The following MADD variants were observed in gnomAD, a reference collection of about 807,000 sequenced individuals.
MADD encodes the protein MAP kinase activating death domain.
A neutral mutation model predicts 176.7 loss-of-function variants in MADD; 109 were observed. That is an observed-to-expected ratio of 0.62 (90% CI 0.53 to 0.72). MADD has a LOEUF of 0.72. MADD is among the 30% of genes least tolerant of loss of function. The pLI is 0.00. For synonymous variants in MADD, 771 were observed against 771.3 expected, an observed-to-expected ratio of 1.00 and a Z score of 0.01; for missense variants, 1,914 against 2,045.5, an observed-to-expected ratio of 0.94 and a Z score of 1.24.
At chr11:47,278,104 C>A in intron 5 of MADD, 61 bp from the exon 6 acceptor site, 2 of 1,119,548 alleles carry the variant, frequency 1.8e-6, no homozygotes, top group South Asian at 1.2e-5. Context: ...AGAATCCAGA[C>A]TTGATAAGTG....
exon 21 of MADD, chr11:47,295,544 C>T (rs745816826): frequency 9.9e-6 from 16 of 1,613,858 alleles, no homozygotes; most frequent in Admixed American, 3.3e-5. Context: ...TGTTATGATC[C>T]GCAGCTCAAG....
At chr11:47,285,386 A>G in intron 13 of MADD, 65 bp from the exon 14 acceptor site, 11 of 1,604,736 alleles carry the variant, frequency 6.9e-6, no homozygotes, top group Non-Finnish European at 9.4e-6. Context: ...TAGCATAATT[A>G]TGGCCCATAC....
chr11:47,290,094 G>A (rs1270786183), intron 17 of MADD, 41 bp downstream of exon 18: 1 of 1,612,424 alleles, frequency 6.2e-7, no homozygotes, highest in Non-Finnish European at 8.5e-7. Flanking sequence ...CTGGAGAGAG[G>A]GATGTGAACA....
Position 47,278,988 on chromosome 11 carries a change from C to T in MADD, c.1210-11C>T. 1.2e-6 allele frequency: 2 copies of T among 1,613,206 alleles called. No individual in the cohort carries two copies. The highest frequency in any genetic ancestry group is 1.1e-5 in the South Asian group (1 of 91,048). Reference sequence around the variant, plus strand: ...TCTAAGGTCACGTCTTTTATCATTTCTCTGGTGCAGGTGATTGCCCCCACC... The same window carrying T: ...TCTAAGGTCACGTCTTTTATCATTTTTCTGGTGCAGGTGATTGCCCCCACC... On this transcript the variant is annotated splice_polypyrimidine_tract_variant and intron_variant, in intron 6 of 32. Transcript: ENST00000402192.
Position 47,325,070 on chromosome 11 carries a change from A to C in MADD, c.4542+493A>C. The stretch of plus-strand genomic sequence containing the variant: ...TATCTGTCCTCTCTGGAGTGTGTTT[A>C]TTTGCCTTTTTCTTCTGCGGATTCT... On this transcript the variant is annotated intron_variant, in intron 30 of 32. Transcript: ENST00000402192. This position sits in a 1 kb window ranked among gnomAD's most constrained non-coding sequence, Gnocchi z 4.5. The C allele has an allele frequency of 3.1e-6, 1 of 320,966 alleles. No homozygotes were observed. 19.9% of individuals were successfully genotyped at this position (320,966 alleles called of 1,614,324 possible).
At chr11:47,319,641 A>G (rs918736768) in intron 27 of MADD, among the ~76,000 whole-genome samples, 4 of 152,236 alleles carry the variant, frequency 2.6e-5, no homozygotes, top group African/African-American at 7.2e-5. Flanking sequence ...TTGTGCAAAT[A>G]TAATTTATTT....
At chr11:47,273,089 T>G (rs1009095631) in intron 1 of MADD, among the ~76,000 whole-genome samples, 1 of 152,232 alleles carries the variant, frequency 6.6e-6, no homozygotes, top group Non-Finnish European at 1.5e-5. Context: ...TCAAGCTGAA[T>G]GTAGATTGTT....
chr11:47,273,943 G>A (rs1266498597), exon 2 of MADD: 11 of 1,613,994 alleles, frequency 6.8e-6, no homozygotes, highest in Admixed American at 1.7e-5. Flanking sequence ...TTCTGTCCTC[G>A]GTTACTTGAC....
intron 27 of MADD, among the ~76,000 whole-genome samples, chr11:47,323,368 A>G (rs1252077308): frequency 1.3e-5 from 2 of 151,896 alleles, no homozygotes; most frequent in Admixed American, 1.3e-4. Flanking sequence ...ACTGCAGTCA[A>G]GCCTGGGGTA....
At chr11:47,306,750 C>T (rs893799537) in intron 22 of MADD, among the ~76,000 whole-genome samples, 2 of 152,154 alleles carry the variant, frequency 1.3e-5, no homozygotes, top group Non-Finnish European at 2.9e-5. Context: ...CAGTCTCCCT[C>T]AGTTATTTTT....
At chr11:47,292,334 G>C (rs1348504908) in intron 19 of MADD, among the ~76,000 whole-genome samples, 1 of 152,146 alleles carries the variant, frequency 6.6e-6, no homozygotes, top group Non-Finnish European at 1.5e-5. Context: ...ATTGGAATTA[G>C]AAATTTGGAA....
chr11:47,286,377 A>G (rs1262078803), intron 14 of MADD, 56 bp from the exon 15 acceptor site: 2 of 1,124,310 alleles, frequency 1.8e-6, no homozygotes, highest in Non-Finnish European at 2.7e-6. Context: ...TCATTAGTCT[A>G]CTGCTTTGAT....
intron 2 of MADD, among the ~76,000 whole-genome samples, 181 bp from the exon 3 acceptor site, chr11:47,274,382 A>G (rs1001168053): frequency 1.3e-5 from 2 of 152,210 alleles, no homozygotes; most frequent in Non-Finnish European, 1.5e-5. Context: ...CCTTCATGAC[A>G]GTGTAGACTT....
At chr11:47,297,521 A>G (rs557014052) in intron 22 of MADD, among the ~76,000 whole-genome samples, 1 of 148,912 alleles carries the variant, frequency 6.7e-6, no homozygotes, top group Admixed American at 6.8e-5. Flanking sequence ...ATCTCGGCTC[A>G]CGGCAAGCTC....
chr11:47,324,846 T>C, intron 30 of MADD: 1 of 636,592 alleles, frequency 1.6e-6, no homozygotes. Flanking sequence ...TCCGTTGGAC[T>C]CCACACAGTG....
At chr11:47,328,088 T>A in intron 31 of MADD, 2 of 996,176 alleles carry the variant, frequency 2.0e-6, no homozygotes, top group Non-Finnish European at 2.4e-6. Context: ...GGGCTTCTCC[T>A]GCCACTCAGG....
At chr11:47,327,388 G>A in intron 31 of MADD, 17 of 985,396 alleles carry the variant, frequency 1.7e-5, no homozygotes, top group Non-Finnish European at 2.0e-5. Flanking sequence ...TGCTGTGTTT[G>A]TGCTTCATTC....
rs756672529 is a variant in MADD, at chr11:47,285,598, C to T, written c.2551+8C>T. 1.2e-6 allele frequency: 2 copies of T among 1,613,960 alleles called. No homozygotes were observed. Among genetic ancestry groups the T allele is most frequent in the South Asian group, 2.2e-5 (2 of 91,074 alleles). ...GCATCATGTCTTTTGCCAGTAAGTGCCTTCAGCTGTCTCTCTCACTCCTGT... is the reference window on the plus strand; with the variant it reads ...GCATCATGTCTTTTGCCAGTAAGTGTCTTCAGCTGTCTCTCTCACTCCTGT... On this transcript the variant is annotated splice_region_variant and intron_variant, in intron 14 of 32. Transcript: ENST00000402192.
chr11:47,295,461 G>T (rs1593208471), intron 20 of MADD, 35 bp from the exon 23 acceptor site: 1 of 1,529,892 alleles, frequency 6.5e-7, no homozygotes, highest in Non-Finnish European at 9.1e-7. Flanking sequence ...GAGGAGATTG[G>T]ACACCTCCCC....
Sources: allele counts gnomAD v4.1 joint callset (sites outside exome capture counted in the v4.1 genomes callset), GRCh38; gene constraint gnomAD v4.1.1; non-coding constraint Gnocchi (gnomAD v3.1); transcripts MANE v1.5; gene names NCBI Gene and HGNC (gene_info 2026-07-23, HGNC 2026-07-21).